The following TPR variants were observed in gnomAD, a reference collection of about 807,000 sequenced individuals.
The protein encoded by TPR is nucleoprotein TPR.
TPR carries 51 observed loss-of-function variants against 316.1 expected under a neutral mutation model. That is an observed-to-expected ratio of 0.16 (90% confidence interval 0.13 to 0.20). The LOEUF is 0.20. Ranked by LOEUF, TPR falls within the 10% of genes least tolerant of loss-of-function variation. TPR has a pLI of 1.00. For missense variants in TPR, 2,272 were observed against 2,754.8 expected (o/e 0.82, Z 3.92); for synonymous variants, 981 against 914.7 (o/e 1.07, Z -1.31).
At chr1:186,355,835 T>G in intron 15 of TPR, 67 bp from the exon 16 acceptor site, 1 of 1,534,794 alleles carries the variant, frequency 6.5e-7, no homozygotes, top group Non-Finnish European at 8.9e-7. Flanking sequence ...ATCTAATGCT[T>G]CTTTGCAAAT....
At position 186,317,407 on chromosome 1, in the gene TPR, TTAC is replaced by T; in HGVS notation, c.6940+72_6940+74del. 3 of 1,102,928 alleles carry T rather than the reference TTAC, an allele frequency of 2.7e-6. No homozygotes were observed. In the Middle Eastern group the frequency reaches 6.1e-4, roughly 223 times the overall value. 68.3% of individuals were successfully genotyped at this position (1,102,928 alleles called of 1,614,324 possible). On this transcript the variant is annotated intron_variant, in intron 49 of 50. Transcript: ENST00000367478. ...ACAGGAAAAAAGGATTATTAATTTG[TTAC>T]TAATAAAGCAGTGTTTTCACAAACA...
intron 4 of TPR, 110 bp downstream of exon 4, chr1:186,367,776 A>C (rs2101990617): frequency 1.5e-6 from 1 of 675,002 alleles, no homozygotes; most frequent in Non-Finnish European, 2.5e-6. Flanking sequence ...CTCTATACTC[A>C]ACCATAACAA....
At chr1:186,340,040 C>A (rs539483047) in intron 29 of TPR, among the ~76,000 whole-genome samples, 33 of 152,012 alleles carry the variant, frequency 2.2e-4, no homozygotes, top group Admixed American at 3.9e-4. Flanking sequence ...ATATTAGTTA[C>A]AATGAAGCCA....
chr1:186,371,272 T>C (rs1032991804), intron 2 of TPR, among the ~76,000 whole-genome samples: 2 of 152,194 alleles, frequency 1.3e-5, no homozygotes, highest in African/African-American at 4.8e-5. Flanking sequence ...ATAATAATCC[T>C]AGCCAACATT....
chr1:186,344,948 T>G (rs191629902), intron 24 of TPR, among the ~76,000 whole-genome samples: 1 of 152,096 alleles, frequency 6.6e-6, no homozygotes, highest in Non-Finnish European at 1.5e-5. Context: ...CAATAAAGAA[T>G]AGTAAGCAAA....
chr1:186,366,122 T>C (rs562085859), intron 4 of TPR, among the ~76,000 whole-genome samples: 1 of 152,316 alleles, frequency 6.6e-6, no homozygotes, highest in South Asian at 2.1e-4. Context: ...TATAGAAACA[T>C]TTTTAGAGAA....
At position 186,312,599 on chromosome 1, in the gene TPR, ATACTATTTATCAAG is replaced by A; in HGVS notation, c.*1358_*1371del. ...TGTTCAGGTTTGTTAGTTATAACCA[ATACTATTTATCAAG>A]TACTTCTTACCAAGAACATTATATA... On this transcript the variant is annotated 3_prime_UTR_variant, in exon 51 of 51. Coordinates refer to ENST00000367478, the MANE Select transcript of TPR (RefSeq NM_003292.3). 1 of 794,498 alleles carries A rather than the reference ATACTATTTATCAAG, an allele frequency of 1.3e-6. No individual in the cohort carries two copies. The highest frequency in any genetic ancestry group is 2.0e-6 in the Non-Finnish European group (1 of 500,830). The allele number at this position is 794,498 out of a possible 1,614,324, so 49.2% of individuals were successfully genotyped here.
At chr1:186,337,294 AAAC>A (rs1399381939) in intron 31 of TPR, 138 bp from the exon 32 acceptor site, 12 of 1,046,158 alleles carry the variant, frequency 1.1e-5, no homozygotes, top group Middle Eastern at 2.8e-4. Flanking sequence ...ATTTTCTATG[AAAC>A]AACTGTAATC....
intron 4 of TPR, among the ~76,000 whole-genome samples, chr1:186,367,584 T>C (rs1327716328): frequency 6.6e-6 from 1 of 152,368 alleles, no homozygotes; most frequent in Middle Eastern, 3.4e-3. Flanking sequence ...TTTGCAAATA[T>C]TTAAAGTGCT....
At chr1:186,348,546 A>G (rs143794830) in intron 21 of TPR, among the ~76,000 whole-genome samples, 1 of 152,290 alleles carries the variant, frequency 6.6e-6, no homozygotes, top group South Asian at 2.1e-4. Flanking sequence ...TCTTTGAAGC[A>G]TGTGATCTTT....
In TPR at chr1:186,343,320, A is replaced by G. The variant is rs774506832; in HGVS notation, c.3750+6T>C. On this transcript the variant is annotated splice_donor_region_variant and intron_variant, in intron 27 of 50. Transcript: ENST00000367478. ...CAAGTGCTTTCTTAAAGCTTAGTAT[A>G]CCTACCTGGACTTTCTCCCTTTCAG... 3.1e-6 allele frequency: 5 copies of G among 1,610,132 alleles called. No individual in the cohort carries two copies. The African/African-American group carries it at 6.7e-5, about 22-fold the overall frequency.
At chr1:186,368,354 G>T (rs761214373) in intron 3 of TPR, among the ~76,000 whole-genome samples, 8 of 152,166 alleles carry the variant, frequency 5.3e-5, no homozygotes, top group Non-Finnish European at 1.0e-4. Flanking sequence ...GCTCATGCCT[G>T]TAATCACAGC....
At chr1:186,362,435 CTGACA>C (rs1377050806) in intron 6 of TPR, 55 bp from the exon 7 acceptor site, 7 of 1,390,670 alleles carry the variant, frequency 5.0e-6, no homozygotes, top group Non-Finnish European at 5.1e-6. Context: ...TGAAATTACT[CTGACA>C]TGAGGTTTAT....
At chr1:186,330,788 G>T (rs1658138895) in intron 39 of TPR, among the ~76,000 whole-genome samples, 1 of 152,068 alleles carries the variant, frequency 6.6e-6, no homozygotes, top group Non-Finnish European at 1.5e-5. Flanking sequence ...CACCCTGGGG[G>T]TCTTCTTGAT....
At chr1:186,319,118 G>A (rs1181667817) in intron 46 of TPR, among the ~76,000 whole-genome samples, 1 of 151,964 alleles carries the variant, frequency 6.6e-6, no homozygotes, top group Non-Finnish European at 1.5e-5. Flanking sequence ...AGCTTCCCAA[G>A]GAGCTAGGGC....
At chr1:186,339,922 TA>T (rs1658462205) in intron 29 of TPR, 150 bp from the exon 30 acceptor site, 1 of 583,402 alleles carries the variant, frequency 1.7e-6, no homozygotes, top group Admixed American at 4.2e-5. Context: ...AAGATCAAAC[TA>T]AGCTTTGGCT....
At chr1:186,352,242 T>C (rs1658884098) in intron 18 of TPR, 132 bp from the exon 19 acceptor site, 1 of 736,616 alleles carries the variant, frequency 1.4e-6, no homozygotes, top group Non-Finnish European at 1.9e-6. Flanking sequence ...CTCCTCATTG[T>C]ATAAGGAAAT....
Position 186,338,158 on chromosome 1 carries a change from T to C in TPR, c.4237A>G (p.Ile1413Val). 1 of 1,613,140 alleles carries C rather than the reference T, an allele frequency of 6.2e-7. No individual in the cohort carries two copies. Among genetic ancestry groups the C allele is most frequent in the Non-Finnish European group, 8.5e-7 (1 of 1,179,576 alleles). Reference sequence around the variant, plus strand: ...ATTTTGGCATCTAAGTCCTTCTGGATGGTTTCCTTTTCAGTTCTTACTTTA... The same window carrying C: ...ATTTTGGCATCTAAGTCCTTCTGGACGGTTTCCTTTTCAGTTCTTACTTTA... Reference protein sequence around the residue: ...LNKVRTEKETIQKDLDAKIID... With the variant: ...LNKVRTEKETVQKDLDAKIID... Residue 1413 changes from isoleucine (I) to valine (V), a missense_variant, in exon 31 of 51, where the codon ATC (isoleucine) becomes GTC (valine). By Grantham distance (29) the Ile-to-Val change is conservative. This residue lies in a region of TPR where 96 missense variants were observed against 134.6 expected (regional missense o/e 0.71). Coordinates refer to ENST00000367478, the MANE Select transcript of TPR (RefSeq NM_003292.3).
chr1:186,333,154 C>A lies in TPR; in HGVS notation c.5423G>T (p.Arg1808Leu). The A allele has an allele frequency of 6.2e-7, 1 of 1,613,338 alleles. No homozygotes were observed. Among genetic ancestry groups the A allele is most frequent in the Non-Finnish European group, 8.5e-7 (1 of 1,179,584 alleles). The change falls in exon 37 of 51, where the codon CGG (arginine) becomes CTG (leucine). Residue 1808 changes from arginine (R) to leucine (L), a missense_variant. Physicochemically the swap from Arg to Leu is moderately radical, Grantham distance 102. Transcript: ENST00000367478. Reference sequence around the variant, plus strand: ...AAATACTGCTGTGGAAGTAGAAGGCCGCTCAACTGGTGAACTCTGAACAAC... The same window carrying A: ...AAATACTGCTGTGGAAGTAGAAGGCAGCTCAACTGGTGAACTCTGAACAAC... ...VEVVQSSPVE[R>L]PSTSTAVFGT...
Sources: gnomAD v4.1 joint callset for allele counts (sites outside exome capture counted in the v4.1 genomes callset) on GRCh38, gnomAD v4.1.1 for gene constraint, gnomAD v4.1.1 regional missense constraint, MANE v1.5 for transcripts, NCBI Gene and HGNC (gene_info 2026-07-23, HGNC 2026-07-21) for gene names.